Variants in TENM2 observed in about 807,000 individuals in gnomAD.
The protein encoded by TENM2 is teneurin-2.
In TENM2, 52 loss-of-function variants were observed where a neutral mutation model predicts 245.2. That is an observed-to-expected ratio of 0.21 (90% CI 0.17 to 0.27). The LOEUF is 0.27. TENM2 is among the 10% of genes least tolerant of loss of function. TENM2 has a pLI of 1.00. For synonymous variants in TENM2, 1,363 were observed against 1,438.9 expected (o/e 0.95, Z 1.19); for missense variants, 3,046 against 3,666.8 (o/e 0.83, Z 4.37).
chr5:167,804,479 C>G (rs550010143), intron 2 of TENM2, among the ~76,000 whole-genome samples: 2 of 152,046 alleles, frequency 1.3e-5, no homozygotes, highest in African/African-American at 4.8e-5. Flanking sequence ...TAGTTGCCAG[C>G]AAATTGGAAC....
chr5:167,312,419 T>C (rs1351612072), intron 1 of TENM2, among the ~76,000 whole-genome samples: 1 of 152,140 alleles, frequency 6.6e-6, no homozygotes, highest in Non-Finnish European at 1.5e-5. Flanking sequence ...TTAGAGTTCA[T>C]GTCAGAAGGA....
the TENM2 span, among the ~76,000 whole-genome samples, chr5:167,047,251 C>T: frequency 1.3e-5 from 2 of 152,170 alleles, no homozygotes; most frequent in Admixed American, 1.3e-4. Context: ...TGACCTTCAT[C>T]CCTTTCCTGG....
At chr5:167,063,413 T>C in the TENM2 span, among the ~76,000 whole-genome samples, 1 of 152,238 alleles carries the variant, frequency 6.6e-6, no homozygotes, top group African/African-American at 2.4e-5. Context: ...TTAAAATTCC[T>C]GAGCCTTACC....
chr5:167,736,648 G>A (rs1033083530), intron 2 of TENM2, among the ~76,000 whole-genome samples: 3 of 147,962 alleles, frequency 2.0e-5, no homozygotes, highest in Non-Finnish European at 3.0e-5. Context: ...TGGATTAGCA[G>A]CCAGTCACCT....
intron 4 of TENM2, among the ~76,000 whole-genome samples, chr5:167,976,558 G>T (rs951335879): frequency 3.3e-5 from 5 of 152,134 alleles, no homozygotes; most frequent in South Asian, 2.1e-4. Flanking sequence ...TTGTATTTCA[G>T]ATCCTCTCTG....
chr5:167,435,689 G>A (rs1764510836), intron 2 of TENM2, among the ~76,000 whole-genome samples: 1 of 152,118 alleles, frequency 6.6e-6, no homozygotes, highest in African/African-American at 2.4e-5. Context: ...AGTTTGGAGG[G>A]TTCAGAAGAA....
At chr5:167,604,259 T>C (rs1561592993) in intron 2 of TENM2, among the ~76,000 whole-genome samples, 1 of 152,160 alleles carries the variant, frequency 6.6e-6, no homozygotes. Context: ...AGGTAGGAAA[T>C]GAGTCTGTTC....
chr5:168,063,779 T>C (rs1790260797), intron 7 of TENM2, among the ~76,000 whole-genome samples: 1 of 152,188 alleles, frequency 6.6e-6, no homozygotes, highest in African/African-American at 2.4e-5. Flanking sequence ...TCGACCATTG[T>C]TGGCTCTCAA....
At chr5:167,698,267 A>G (rs1757902726) in intron 2 of TENM2, among the ~76,000 whole-genome samples, 1 of 152,126 alleles carries the variant, frequency 6.6e-6, no homozygotes, top group African/African-American at 2.4e-5. Flanking sequence ...CTGTAAGATG[A>G]TGGCTTCAGA....
intron 9 of TENM2, among the ~76,000 whole-genome samples, chr5:168,116,950 T>C (rs1428492543): frequency 2.0e-5 from 3 of 152,230 alleles, no homozygotes; most frequent in Non-Finnish European, 4.4e-5. Flanking sequence ...CCGTCATTTC[T>C]GAAGGCCTCT....
intron 2 of TENM2, among the ~76,000 whole-genome samples, chr5:167,473,068 C>T (rs1767138112): frequency 6.6e-6 from 1 of 152,168 alleles, no homozygotes; most frequent in Admixed American, 6.5e-5. Context: ...TGGATGATAA[C>T]ACTATCGTGT....
At chr5:167,201,521 A>C in the TENM2 span, among the ~76,000 whole-genome samples, 1 of 152,198 alleles carries the variant, frequency 6.6e-6, no homozygotes, top group East Asian at 1.9e-4. Context: ...GATTTTAGTT[A>C]CGATGTTGTC....
At chr5:167,639,892 T>G (rs2150243966) in intron 2 of TENM2, among the ~76,000 whole-genome samples, 1 of 152,346 alleles carries the variant, frequency 6.6e-6, no homozygotes, top group South Asian at 2.1e-4. Context: ...AATGGATAGC[T>G]GGAGCAGGAA....
chr5:167,398,394 C>A (rs1762183542), intron 2 of TENM2, among the ~76,000 whole-genome samples: 1 of 34,954 alleles, frequency 2.9e-5, no homozygotes, highest in Admixed American at 2.4e-4. Flanking sequence ...TTCTTTCTTT[C>A]TTTCTTTCTT....
intron 2 of TENM2, among the ~76,000 whole-genome samples, chr5:167,450,540 G>A (rs538434426): frequency 6.6e-6 from 1 of 152,054 alleles, no homozygotes; most frequent in Non-Finnish European, 1.5e-5. Flanking sequence ...GGTATATATA[G>A]AAAGTAAAAC....
chr5:167,452,763 A>T (rs1433494545), intron 2 of TENM2, among the ~76,000 whole-genome samples: 1 of 151,064 alleles, frequency 6.6e-6, no homozygotes, highest in East Asian at 2.0e-4. Flanking sequence ...GGGGAACATC[A>T]CACACCGTGG....
At chr5:167,535,381 C>T (rs1037047476) in intron 2 of TENM2, among the ~76,000 whole-genome samples, 1 of 151,908 alleles carries the variant, frequency 6.6e-6, no homozygotes, top group Non-Finnish European at 1.5e-5. Flanking sequence ...TTACAGGAAA[C>T]CCAGGCCCTG....
At chr5:168,136,642 CA>C (rs1739608257) in intron 12 of TENM2, among the ~76,000 whole-genome samples, 2 of 152,176 alleles carry the variant, frequency 1.3e-5, no homozygotes, top group African/African-American at 4.8e-5. Flanking sequence ...CTCTCCCATA[CA>C]TCAAGGTTTT....
chr5:167,909,574 G>A (rs1004364311), intron 3 of TENM2, among the ~76,000 whole-genome samples: 2 of 152,144 alleles, frequency 1.3e-5, no homozygotes, highest in African/African-American at 4.8e-5. Flanking sequence ...AGGTTAAGAG[G>A]TTTTTTACAG....
Sources: allele counts gnomAD v4.1 joint callset (sites outside exome capture counted in the v4.1 genomes callset), GRCh38; gene constraint gnomAD v4.1.1; transcripts MANE v1.5; gene names NCBI Gene and HGNC (gene_info 2026-07-23, HGNC 2026-07-21).